Variants in MYO3B observed in about 807,000 individuals in gnomAD.
The protein encoded by MYO3B is myosin-IIIb.
In MYO3B, 156 loss-of-function variants were observed where a neutral mutation model predicts 174.6. The observed-to-expected ratio is 0.89, with a 90% CI of 0.78 to 1.02. MYO3B has a LOEUF of 1.02. Ranked by LOEUF, MYO3B falls within the 50% of genes least tolerant of loss-of-function variation. The pLI is 0.00. For synonymous variants in MYO3B, 563 were observed against 569.1 expected (o/e 0.99, Z 0.15); for missense variants, 1,632 against 1,639.4 (o/e 1.00, Z 0.08).
At chr2:170,240,448 A>G (rs2093118567) in intron 7 of MYO3B, among the ~76,000 whole-genome samples, 2 of 152,204 alleles carry the variant, frequency 1.3e-5, no homozygotes, top group South Asian at 2.1e-4. Context: ...TTTTTTCCAG[A>G]TGAGAAAACT....
chr2:170,249,156 GTAGCCCCTATCCTGAGC>G (rs2093224469), intron 7 of MYO3B, among the ~76,000 whole-genome samples: 1 of 152,196 alleles, frequency 6.6e-6, no homozygotes, highest in South Asian at 2.1e-4. Context: ...AGGAAGGGAG[GTAGCCCCTATCCTGAGC>G]TCTGAGCCAT....
At chr2:170,491,602 T>G (rs536055549) in intron 25 of MYO3B, among the ~76,000 whole-genome samples, 5 of 152,304 alleles carry the variant, frequency 3.3e-5, no homozygotes, top group African/African-American at 1.2e-4. Context: ...ATTTTTTGTA[T>G]TTTTAGTAGA....
At chr2:170,601,963 A>C in intron 32 of MYO3B, 1 of 851,812 alleles carries the variant, frequency 1.2e-6, no homozygotes, top group East Asian at 2.4e-5. Context: ...GGAATCCTCG[A>C]ACTTCTTTTT....
chr2:170,626,382 C>T (rs1235735309), intron 32 of MYO3B, among the ~76,000 whole-genome samples: 1 of 152,038 alleles, frequency 6.6e-6, no homozygotes, highest in African/African-American at 2.4e-5. Flanking sequence ...GCAACCCCTG[C>T]CTTTTGTTTT....
At chr2:170,285,924 A>C (rs753048852) in intron 7 of MYO3B, among the ~76,000 whole-genome samples, 7 of 152,224 alleles carry the variant, frequency 4.6e-5, no homozygotes, top group Non-Finnish European at 5.9e-5. Context: ...TCTTACATGA[A>C]AAGCCAATTG....
chr2:170,387,037 T>C (rs1293257727), intron 13 of MYO3B, 69 bp from the exon 14 acceptor site: 4 of 1,505,510 alleles, frequency 2.7e-6, no homozygotes, highest in East Asian at 2.3e-5. Context: ...GGGCAAGGGA[T>C]GGTGCCTGGC....
At position 170,569,462 on chromosome 2, in the gene MYO3B, A is replaced by G. The variant is rs533652909; in HGVS notation, c.3733+25474A>G. On this transcript the variant is annotated intron_variant, in intron 32 of 34. Coordinates refer to ENST00000408978, the MANE Select transcript of MYO3B (RefSeq NM_138995.5). Reference sequence around the variant, plus strand: ...ATGCTAATTCATAAGCAGAAGAGCCATTTCCTTCCTGGAATCTTGTGAGAG... The same window carrying G: ...ATGCTAATTCATAAGCAGAAGAGCCGTTTCCTTCCTGGAATCTTGTGAGAG... Among the ~76,000 whole-genome samples the G allele has an allele frequency of 6.6e-5, 10 of 151,028 alleles. 1 individual carries two copies. The East Asian group carries it at 1.8e-3, about 27-fold the overall frequency.
intron 30 of MYO3B, among the ~76,000 whole-genome samples, chr2:170,521,341 A>T (rs1345745140): frequency 6.6e-6 from 1 of 152,192 alleles, no homozygotes; most frequent in Non-Finnish European, 1.5e-5. Context: ...TGGTAGAAAG[A>T]TCACTGAGCT....
chr2:170,445,604 G>C (rs879572046), intron 23 of MYO3B, among the ~76,000 whole-genome samples: 1 of 151,550 alleles, frequency 6.6e-6, no homozygotes, highest in Non-Finnish European at 1.5e-5. Flanking sequence ...GCCTCCCCAA[G>C]TGCTGGATTA....
At chr2:170,267,979 GGGT>G (rs1312545254) in intron 7 of MYO3B, among the ~76,000 whole-genome samples, 1 of 152,018 alleles carries the variant, frequency 6.6e-6, no homozygotes, top group Non-Finnish European at 1.5e-5. Flanking sequence ...AGGCCGAGGC[GGGT>G]GGATTACCTG....
intron 32 of MYO3B, among the ~76,000 whole-genome samples, chr2:170,551,459 C>T (rs184440499): frequency 2.6e-3 from 376 of 145,400 alleles, no homozygotes; most frequent in African/African-American, 8.4e-3. Context: ...CAGCCTCCAC[C>T]TCCTGGGTTC....
chr2:170,621,044 G>C (rs966860279), intron 32 of MYO3B, among the ~76,000 whole-genome samples: 10 of 151,814 alleles, frequency 6.6e-5, no homozygotes, highest in African/African-American at 2.4e-4. Flanking sequence ...ACCCGCCACT[G>C]TGCCTGGCTA....
chr2:170,369,064 G>T, intron 8 of MYO3B, 158 bp from the exon 9 acceptor site: 4 of 514,884 alleles, frequency 7.8e-6, no homozygotes, highest in African/African-American at 1.9e-5. Context: ...CTATTTTTCT[G>T]TTTTCTGGTA....
intron 19 of MYO3B, among the ~76,000 whole-genome samples, chr2:170,403,703 A>G (rs1168282828): frequency 6.6e-6 from 1 of 152,224 alleles, no homozygotes; most frequent in Non-Finnish European, 1.5e-5. Context: ...CACAAACTCA[A>G]CTTCGATGAG....
chr2:170,450,484 A>G (rs1241440246), intron 23 of MYO3B, among the ~76,000 whole-genome samples: 3 of 152,188 alleles, frequency 2.0e-5, no homozygotes, highest in Non-Finnish European at 2.9e-5. Flanking sequence ...ACTCTGATAG[A>G]GAGGAGACTC....
intron 25 of MYO3B, among the ~76,000 whole-genome samples, chr2:170,490,195 A>C (rs1686370793): frequency 6.6e-6 from 1 of 151,758 alleles, no homozygotes; most frequent in Non-Finnish European, 1.5e-5. Context: ...CGCCCGGCTA[A>C]TTTTTTGTAC....
chr2:170,193,449 T>C (rs2092564067), intron 1 of MYO3B, among the ~76,000 whole-genome samples: 1 of 152,116 alleles, frequency 6.6e-6, no homozygotes, highest in Non-Finnish European at 1.5e-5. Flanking sequence ...GAACAGTTTG[T>C]TTTAGATGTG....
chr2:170,565,415 A>G (rs1388498177), intron 32 of MYO3B, among the ~76,000 whole-genome samples: 2 of 152,238 alleles, frequency 1.3e-5, no homozygotes, highest in Non-Finnish European at 2.9e-5. Context: ...TGGTAGATGA[A>G]CAGAGGAACA....
At chr2:170,438,326 C>T (rs1229313253) in intron 22 of MYO3B, among the ~76,000 whole-genome samples, 1 of 152,062 alleles carries the variant, frequency 6.6e-6, no homozygotes, top group African/African-American at 2.4e-5. Context: ...ATCCATTTAA[C>T]TGTTGATAGG....
Sources: allele counts gnomAD v4.1 joint callset (sites outside exome capture counted in the v4.1 genomes callset), GRCh38; gene constraint gnomAD v4.1.1; transcripts MANE v1.5; gene names NCBI Gene and HGNC (gene_info 2026-07-23, HGNC 2026-07-21).